RAB3C: variants seen among roughly 807,000 people sequenced by gnomAD.
RAB3C encodes the protein RAB3C, member RAS oncogene family.
Under a neutral mutation model 26.4 loss-of-function variants are expected in RAB3C, and 17 were observed. The observed-to-expected ratio is 0.64, with a 90% CI of 0.44 to 0.97. The LOEUF is 0.97. Ranked by LOEUF, RAB3C falls within the 50% of genes least tolerant of loss-of-function variation. The pLI is 0.00. For missense variants in RAB3C, 242 were observed against 281.9 expected (o/e 0.86, Z 1.01); for synonymous variants, 91 against 95.9 (o/e 0.95, Z 0.30).
Position 58,632,623 on chromosome 5 carries a change from A to G in RAB3C, c.252+14753A>G, listed in dbSNP as rs114975619. Among the ~76,000 whole-genome samples, 1,056 of 152,276 alleles carry G rather than the reference A, an allele frequency of 6.9e-3. 4 individuals are homozygous for G. The highest frequency in any genetic ancestry group is 0.022 in the African/African-American group (931 of 41,558). ...TTCTGTAGCCAGATAACAGTCTTAG[A>G]TTGGCCCAAATATGGCAGCAGGCTG... On this transcript the variant is annotated intron_variant, in intron 2 of 4. Transcript: ENST00000282878.
At chr5:58,620,215 G>A (rs1297110006) in intron 2 of RAB3C, among the ~76,000 whole-genome samples, 5 of 152,050 alleles carry the variant, frequency 3.3e-5, no homozygotes, top group South Asian at 2.1e-4. Flanking sequence ...TTCCCCCATC[G>A]TCAGTCACAA....
At chr5:58,813,592 T>TTATATATATATATA (rs869039335) in intron 3 of RAB3C, among the ~76,000 whole-genome samples, 24 of 47,780 alleles carry the variant, frequency 5.0e-4, no homozygotes, top group Admixed American at 1.2e-3. Flanking sequence ...ATATTTATAT[T>TTATATATATATATA]TATATATATA....
In RAB3C at chr5:58,785,988, G is replaced by A. The variant is rs370593499; in HGVS notation, c.372-39050G>A. Among the ~76,000 whole-genome samples the A allele has an allele frequency of 3.4e-4, 52 of 152,312 alleles. No homozygotes were observed. The South Asian group carries it at 9.3e-3, about 27-fold the overall frequency. ...AGATGCTGGAAATTGCAAAGAAACAGATTTTCTCCTAGAGCCTCCAGAAAG... is the reference window on the plus strand; with the variant it reads ...AGATGCTGGAAATTGCAAAGAAACAAATTTTCTCCTAGAGCCTCCAGAAAG... On this transcript the variant is annotated intron_variant, in intron 3 of 4. Transcript: ENST00000282878.
At chr5:58,818,204 G>T (rs549911161) in intron 3 of RAB3C, among the ~76,000 whole-genome samples, 4 of 152,174 alleles carry the variant, frequency 2.6e-5, no homozygotes, top group African/African-American at 9.7e-5. Context: ...ACTCATAGGC[G>T]ATTACTTACA....
intron 4 of RAB3C, among the ~76,000 whole-genome samples, chr5:58,827,378 A>AT (rs1743506713): frequency 6.6e-6 from 1 of 152,198 alleles, no homozygotes; most frequent in Non-Finnish European, 1.5e-5. Flanking sequence ...TTTGGTTAAA[A>AT]AATATATATA....
intron 3 of RAB3C, among the ~76,000 whole-genome samples, chr5:58,737,431 A>AAAATT (rs1741171681): frequency 2.0e-5 from 2 of 102,014 alleles, no homozygotes; most frequent in Admixed American, 9.9e-5. Flanking sequence ...ATATATATAT[A>AAAATT]TATATATATA....
intron 3 of RAB3C, among the ~76,000 whole-genome samples, chr5:58,794,808 T>C (rs1742608102): frequency 1.3e-5 from 2 of 152,202 alleles, no homozygotes; most frequent in Non-Finnish European, 2.9e-5. Flanking sequence ...ATTTCTTGTA[T>C]TTTGATGTAT....
chr5:58,672,290 C>T (rs1043222948), intron 2 of RAB3C, among the ~76,000 whole-genome samples: 3 of 152,160 alleles, frequency 2.0e-5, no homozygotes, highest in East Asian at 1.9e-4. Context: ...TAGACAAACA[C>T]GGGAACCACT....
chr5:58,813,660 G>T, intron 3 of RAB3C, among the ~76,000 whole-genome samples: 1 of 141,854 alleles, frequency 7.0e-6, no homozygotes, highest in Non-Finnish European at 1.5e-5. Context: ...ATATACATAT[G>T]GTAGAACCAC....
chr5:58,774,159 A>G (rs1468717597), intron 3 of RAB3C, among the ~76,000 whole-genome samples: 1 of 152,178 alleles, frequency 6.6e-6, no homozygotes, highest in Admixed American at 6.5e-5. Context: ...GAAATGGATC[A>G]ATGAATGAAT....
At chr5:58,810,948 C>G (rs78489108) in intron 3 of RAB3C, among the ~76,000 whole-genome samples, 3 of 152,180 alleles carry the variant, frequency 2.0e-5, no homozygotes, top group African/African-American at 7.2e-5. Flanking sequence ...CCCACCAAAA[C>G]GGCACAACCA....
At chr5:58,658,403 GTC>G (rs1747825498) in intron 2 of RAB3C, among the ~76,000 whole-genome samples, 1 of 152,164 alleles carries the variant, frequency 6.6e-6, no homozygotes. Context: ...ATGCAATCAT[GTC>G]ATCTGCAAAC....
At chr5:58,739,549 A>T (rs182646222) in intron 3 of RAB3C, among the ~76,000 whole-genome samples, 33 of 150,872 alleles carry the variant, frequency 2.2e-4, no homozygotes, top group African/African-American at 7.9e-4. Flanking sequence ...GGAAACTATT[A>T]AAAAAAAATT....
intron 1 of RAB3C, among the ~76,000 whole-genome samples, chr5:58,612,520 G>GTGTGTA (rs1264300587): frequency 1.0e-4 from 8 of 79,174 alleles, no homozygotes; most frequent in African/African-American, 2.6e-4. Context: ...GTGTGTGTGT[G>GTGTGTA]TATATATATA....
At chr5:58,774,282 C>A (rs1220447365) in intron 3 of RAB3C, among the ~76,000 whole-genome samples, 1 of 152,150 alleles carries the variant, frequency 6.6e-6, no homozygotes, top group African/African-American at 2.4e-5. Flanking sequence ...AGGGAGAATT[C>A]TCTGCCTTTC....
At position 58,760,615 on chromosome 5, in the gene RAB3C, T is replaced by C. The variant is rs532123605; in HGVS notation, c.371+34495T>C. Among the ~76,000 whole-genome samples, 30 of 152,358 alleles carry C rather than the reference T, an allele frequency of 2.0e-4. No homozygotes were observed. In the South Asian group the frequency reaches 2.7e-3, roughly 14 times the overall value. On this transcript the variant is annotated intron_variant, in intron 3 of 4. Coordinates refer to ENST00000282878, the MANE Select transcript of RAB3C (RefSeq NM_138453.4). ...AGTTGGTATTAAACAACTAGTCTGT[T>C]CTTTCTTCTTGTCTGATGTTTAGGA...
At chr5:58,692,751 G>A (rs543874106) in intron 2 of RAB3C, among the ~76,000 whole-genome samples, 1 of 151,894 alleles carries the variant, frequency 6.6e-6, no homozygotes, top group South Asian at 2.1e-4. Flanking sequence ...CCAAAATAAA[G>A]TATTTAGACA....
chr5:58,793,204 A>T (rs1022931662), intron 3 of RAB3C, among the ~76,000 whole-genome samples: 2 of 152,128 alleles, frequency 1.3e-5, no homozygotes, highest in Admixed American at 6.5e-5. Context: ...TGGATACAAT[A>T]CCAAAAGAGA....
intron 3 of RAB3C, among the ~76,000 whole-genome samples, chr5:58,821,818 C>G (rs1279047380): frequency 6.6e-6 from 1 of 152,180 alleles, no homozygotes; most frequent in Admixed American, 6.5e-5. Flanking sequence ...GAAGGAGAAA[C>G]AGTGATCATA....
Sources: gnomAD v4.1 joint callset for allele counts (sites outside exome capture counted in the v4.1 genomes callset) on GRCh38, gnomAD v4.1.1 for gene constraint, MANE v1.5 for transcripts, NCBI Gene and HGNC (gene_info 2026-07-23, HGNC 2026-07-21) for gene names.